IQGAP1: variants seen among roughly 807,000 people sequenced by gnomAD.
IQGAP1 encodes ras GTPase-activating-like protein IQGAP1.
IQGAP1 carries 66 observed loss-of-function variants against 215.6 expected under a neutral mutation model. The observed-to-expected ratio is 0.31, with a 90% CI of 0.25 to 0.38. The LOEUF (loss-of-function observed/expected upper bound fraction) is 0.38, where lower values mean the gene tolerates loss of function less well. Among genes scored for constraint, IQGAP1 ranks in the 10% least tolerant of loss-of-function variants. The pLI is 1.00. For synonymous variants in IQGAP1, 772 were observed against 728.7 expected (o/e 1.06, Z -0.96); for missense variants, 1,712 against 1,997.1 (o/e 0.86, Z 2.72).
intron 33 of IQGAP1, among the ~76,000 whole-genome samples, chr15:90,487,838 T>G (rs1966148568): frequency 6.6e-6 from 1 of 152,144 alleles, no homozygotes; most frequent in South Asian, 2.1e-4. Context: ...ATCCATCCCT[T>G]GGTATCCACA....
In IQGAP1 at chr15:90,492,515, A is replaced by G. The variant is rs779142161; in HGVS notation, c.4462-30A>G. The G allele has an allele frequency of 5.8e-6, 9 of 1,553,706 alleles. No homozygotes were observed. In the South Asian group the frequency reaches 1.1e-4, roughly 18 times the overall value. ...TGAAATGATAATGATAACTGTCGTT[A>G]TTTTTCTAACTTTAATAATTATGTC... On this transcript the variant is annotated intron_variant, in intron 34 of 37. Transcript: ENST00000268182.
intron 2 of IQGAP1, among the ~76,000 whole-genome samples, chr15:90,394,248 C>T (rs899918547): frequency 6.7e-6 from 1 of 149,934 alleles, no homozygotes; most frequent in African/African-American, 2.5e-5. Context: ...GCACACCCTG[C>T]CCATTGGCCT....
chr15:90,410,445 A>G (rs1345822000), intron 2 of IQGAP1, among the ~76,000 whole-genome samples: 1 of 152,216 alleles, frequency 6.6e-6, no homozygotes, highest in Non-Finnish European at 1.5e-5. Flanking sequence ...CCAAATGTCC[A>G]TCAGTGATAG....
At position 90,477,779 on chromosome 15, in the gene IQGAP1, C is replaced by T. The variant is rs999454974; in HGVS notation, c.3219C>T (p.Ala1073=). 1.2e-6 allele frequency: 2 copies of T among 1,613,692 alleles called. No homozygotes were observed. The highest frequency in any genetic ancestry group is 1.7e-6 in the Non-Finnish European group (2 of 1,179,760). ...RGQNALRQIL[A]PVVKEIMDDK... ...AGAATGCCCTGAGACAGATCTTGGC[C>T]CCAGTCGTGAAGGAAATTATGGATG... The change falls in exon 26 of 38, where the codon GCC becomes GCT. Residue 1073 remains alanine (A), a synonymous_variant. Transcript: ENST00000268182.
intron 33 of IQGAP1, among the ~76,000 whole-genome samples, chr15:90,490,992 T>C (rs1410321495): frequency 6.6e-6 from 1 of 152,178 alleles, no homozygotes; most frequent in Non-Finnish European, 1.5e-5. Flanking sequence ...TTTGTACTTT[T>C]AGTAGAGACG....
intron 4 of IQGAP1, among the ~76,000 whole-genome samples, chr15:90,431,797 T>G (rs1343557362): frequency 1.3e-5 from 2 of 152,198 alleles, no homozygotes; most frequent in Non-Finnish European, 2.9e-5. Flanking sequence ...ATATGGTGTT[T>G]ATTGGGATGT....
chr15:90,466,136 G>A (rs1965827543), intron 16 of IQGAP1, 45 bp downstream of exon 16: 1 of 1,594,476 alleles, frequency 6.3e-7, no homozygotes, highest in African/African-American at 1.3e-5. Context: ...AGGCTGGGGT[G>A]ACAAGGTGCT....
At position 90,492,681 on chromosome 15, in the gene IQGAP1, C is replaced by T; in HGVS notation, c.4598C>T (p.Thr1533Ile). Reference sequence around the variant, plus strand: ...GATTACTATAAAAGCTATATCAAAACCTGCTTGGATAACTTAGCCAGCAAG... The same window carrying T: ...GATTACTATAAAAGCTATATCAAAATCTGCTTGGATAACTTAGCCAGCAAG... ...QVDYYKSYIK[T>I]CLDNLASKGK... is the part of the protein sequence containing the mutation. The change falls in exon 35 of 38, where the codon ACC (threonine) becomes ATC (isoleucine). Residue 1533 changes from threonine to isoleucine, a missense_variant. Around this residue, in one of 2 missense-constraint regions of IQGAP1, gnomAD observed 691 missense variants for 923.0 expected, o/e 0.75. Transcript: ENST00000268182. 1 of 1,612,762 alleles carries T rather than the reference C, an allele frequency of 6.2e-7. No individual in the cohort carries two copies. The highest frequency in any genetic ancestry group is 8.5e-7 in the Non-Finnish European group (1 of 1,179,634).
In IQGAP1 at chr15:90,489,056, T is replaced by C. The variant is rs148682014; in HGVS notation, c.4248+1474T>C. On this transcript the variant is annotated intron_variant, in intron 33 of 37. Coordinates refer to ENST00000268182, the MANE Select transcript of IQGAP1 (RefSeq NM_003870.4). ...AGGTGTGTGATAAGGTCCAGTGGGGTGGGCAGATGGTTGGGTCCTGGCATT... is the reference window on the plus strand; with the variant it reads ...AGGTGTGTGATAAGGTCCAGTGGGGCGGGCAGATGGTTGGGTCCTGGCATT... Among the ~76,000 whole-genome samples, 12 of 151,700 alleles carry C rather than the reference T, an allele frequency of 7.9e-5. No homozygotes were observed. The East Asian group carries it at 2.1e-3, about 27-fold the overall frequency.
At chr15:90,454,587 A>T (rs1965653120) in intron 14 of IQGAP1, 35 bp downstream of exon 14, 7 of 1,503,172 alleles carry the variant, frequency 4.7e-6, no homozygotes, top group Non-Finnish European at 6.2e-6. Context: ...AAATAATGTC[A>T]CCATTAATGA....
At chr15:90,433,924 A>G in intron 5 of IQGAP1, 129 bp downstream of exon 5, 2 of 517,704 alleles carry the variant, frequency 3.9e-6, no homozygotes. Context: ...ATAGGATAAA[A>G]TACTATTATC....
At chr15:90,486,872 C>A in intron 31 of IQGAP1, 82 bp from the exon 32 acceptor site, 1 of 1,353,014 alleles carries the variant, frequency 7.4e-7, no homozygotes, top group Non-Finnish European at 1.0e-6. Flanking sequence ...CTTAGACTTG[C>A]ATCATCTTAT....
At chr15:90,464,965 T>TAA (rs1251732984) in intron 15 of IQGAP1, among the ~76,000 whole-genome samples, 3 of 152,178 alleles carry the variant, frequency 2.0e-5, no homozygotes, top group African/African-American at 7.2e-5. Flanking sequence ...AAAAGAAACT[T>TAA]GTCTTAACGA....
chr15:90,458,971 C>G (rs752160617), intron 15 of IQGAP1, among the ~76,000 whole-genome samples: 4 of 152,110 alleles, frequency 2.6e-5, no homozygotes, highest in African/African-American at 9.7e-5. Flanking sequence ...ATAAAATTGC[C>G]CACTCCTCTA....
chr15:90,457,990 C>CA (rs1449301671), intron 15 of IQGAP1, among the ~76,000 whole-genome samples: 1 of 152,152 alleles, frequency 6.6e-6, no homozygotes, highest in Non-Finnish European at 1.5e-5. Context: ...AATTTTTGAA[C>CA]ATTTCATCAC....
intron 14 of IQGAP1, 104 bp from the exon 15 acceptor site, chr15:90,456,048 G>A (rs1965674844): frequency 1.1e-6 from 1 of 930,496 alleles, no homozygotes; most frequent in African/African-American, 1.7e-5. Context: ...TTGAATCATG[G>A]TTACTCTTAG....
intron 15 of IQGAP1, among the ~76,000 whole-genome samples, chr15:90,457,913 G>T (rs538233153): frequency 1.5e-4 from 23 of 152,174 alleles, no homozygotes; most frequent in Non-Finnish European, 5.9e-5. Context: ...CGTAATTCAC[G>T]TATCAGGTAA....
intron 2 of IQGAP1, among the ~76,000 whole-genome samples, chr15:90,422,226 A>G (rs1298004527): frequency 2.6e-5 from 4 of 152,160 alleles, no homozygotes; most frequent in Non-Finnish European, 4.4e-5. Context: ...TTGTTATTCC[A>G]TCTTTGCCAC....
intron 31 of IQGAP1, chr15:90,486,516 A>G (rs941610816): frequency 1.1e-5 from 2 of 190,470 alleles, no homozygotes; most frequent in Non-Finnish European, 2.1e-5. Flanking sequence ...GTCATAGCTC[A>G]CTGCAGCCTC....
Sources: gnomAD v4.1 joint callset for allele counts (sites outside exome capture counted in the v4.1 genomes callset) on GRCh38, gnomAD v4.1.1 for gene constraint, gnomAD v4.1.1 regional missense constraint, MANE v1.5 for transcripts, NCBI Gene and HGNC (gene_info 2026-07-23, HGNC 2026-07-21) for gene names.